The following ARHGEF7 variants were observed in gnomAD, a reference collection of about 807,000 sequenced individuals.
ARHGEF7 encodes the protein PAK-interacting exchange factor beta.
Under a neutral mutation model 109.8 loss-of-function variants are expected in ARHGEF7, and 33 were observed. The ratio of observed to expected loss-of-function variants is 0.30; its 90% CI spans 0.23 to 0.40. The LOEUF is 0.40. ARHGEF7 is among the 10% of genes least tolerant of loss of function. ARHGEF7 has a pLI of 1.00. For synonymous variants in ARHGEF7, 458 were observed against 424.6 expected, an observed-to-expected ratio of 1.08 and a Z score of -0.97; for missense variants, 938 against 1,098.5, an observed-to-expected ratio of 0.85 and a Z score of 2.07.
chr13:111,253,292 T>C (rs2090011568), intron 8 of ARHGEF7, among the ~76,000 whole-genome samples: 1 of 152,254 alleles, frequency 6.6e-6, no homozygotes, highest in African/African-American at 2.4e-5. Flanking sequence ...ATTGCCTCTA[T>C]GGGAAAATGA....
chr13:111,296,275 A>G (rs7335882), intron 19 of ARHGEF7, among the ~76,000 whole-genome samples: 29 of 152,310 alleles, frequency 1.9e-4, no homozygotes, highest in African/African-American at 6.7e-4. Flanking sequence ...GGGTTCTCAG[A>G]CATCCCTAAA....
chr13:111,208,385 G>C (rs1356201309), intron 3 of ARHGEF7, among the ~76,000 whole-genome samples: 3 of 152,214 alleles, frequency 2.0e-5, no homozygotes, highest in Admixed American at 2.0e-4. Context: ...CAAACAGTAA[G>C]ACAACTGCAG....
intron 19 of ARHGEF7, chr13:111,293,236 T>C: frequency 2.0e-6 from 2 of 985,406 alleles, no homozygotes; most frequent in Non-Finnish European, 2.4e-6. Context: ...GTGCTGTGGC[T>C]TCAGTTCCCC....
In ARHGEF7 at chr13:111,205,811, G is replaced by A. The variant is rs928353821; in HGVS notation, c.337+438G>A. On this transcript the variant is annotated intron_variant, in intron 3 of 21. Transcript: ENST00000646102. Reference sequence around the variant, plus strand: ...TTGGCCTGTAAAGTCCACACTACCTGTCCAGGGCTCCTGAGGGCTGTGGCA... The same window carrying A: ...TTGGCCTGTAAAGTCCACACTACCTATCCAGGGCTCCTGAGGGCTGTGGCA... Among the ~76,000 whole-genome samples the A allele has an allele frequency of 3.9e-5, 6 of 152,242 alleles. No individual in the cohort carries two copies. The East Asian group carries it at 9.7e-4, about 25-fold the overall frequency.
chr13:111,206,728 G>T (rs1011298561), intron 3 of ARHGEF7, among the ~76,000 whole-genome samples: 1 of 152,028 alleles, frequency 6.6e-6, no homozygotes, highest in Non-Finnish European at 1.5e-5. Context: ...TTGGGAGGCC[G>T]AGGCGGGCGG....
intron 2 of ARHGEF7, 102 bp downstream of exon 2, chr13:111,154,093 C>G (rs577299206): frequency 6.7e-5 from 79 of 1,176,306 alleles, no homozygotes; most frequent in African/African-American, 8.1e-5. Flanking sequence ...CCTCCGCGCC[C>G]GGATCCGACC....
intron 1 of ARHGEF7, among the ~76,000 whole-genome samples, chr13:111,122,223 G>T (rs2153320812): frequency 6.6e-6 from 1 of 152,300 alleles, no homozygotes; most frequent in South Asian, 2.1e-4. Flanking sequence ...GCTGCTGGTT[G>T]GGGAGCGGGA....
intron 4 of ARHGEF7, 31 bp downstream of exon 4, chr13:111,210,033 T>G: frequency 6.2e-7 from 1 of 1,613,976 alleles, no homozygotes; most frequent in Non-Finnish European, 8.5e-7. Flanking sequence ...TACTTAAATA[T>G]GTTTGGGAAG....
Position 111,266,117 on chromosome 13 carries a change from G to A in ARHGEF7, c.951-1431G>A, listed in dbSNP as rs746892893. On this transcript the variant is annotated intron_variant, in intron 8 of 21. Coordinates refer to ENST00000646102, the MANE Select transcript of ARHGEF7 (RefSeq NM_001354046.2). This position sits in a 1 kb window ranked among gnomAD's most constrained non-coding sequence, Gnocchi z 4.8. ...CACGTACCTGCTCTGGGAACTTCCC[G>A]AGGAGCAAGTGCATGCCAGGCAGTT... 1.3e-5 allele frequency among the ~76,000 whole-genome samples: 2 copies of A among 152,092 alleles called. No homozygotes were observed. The highest frequency in any genetic ancestry group is 2.1e-4 in the South Asian group (1 of 4,820).
chr13:111,154,854 G>A (rs2076184688), intron 2 of ARHGEF7, among the ~76,000 whole-genome samples: 1 of 151,994 alleles, frequency 6.6e-6, no homozygotes. Flanking sequence ...TTGCCACTTT[G>A]TCACTCTTAA....
intron 8 of ARHGEF7, among the ~76,000 whole-genome samples, chr13:111,261,041 C>A (rs550390150): frequency 6.6e-6 from 1 of 151,738 alleles, no homozygotes; most frequent in Non-Finnish European, 1.5e-5. Flanking sequence ...GAGAGAATCA[C>A]CTTTACTAAA....
rs184219025 is a variant in ARHGEF7, at chr13:111,222,210, G to A, written c.670+4330G>A. On this transcript the variant is annotated intron_variant, in intron 5 of 21. Transcript: ENST00000646102. The stretch of plus-strand genomic sequence containing the variant: ...AGTATTAACCATCACAATAGGGTTT[G>A]TGCCAAACTGAGACCTAAGTAACTT... Among the ~76,000 whole-genome samples, 15 of 152,206 alleles carry A rather than the reference G, an allele frequency of 9.9e-5. No homozygotes were observed. The Middle Eastern group carries it at 0.014, about 138-fold the overall frequency.
chr13:111,170,035 A>C (rs562246591), intron 2 of ARHGEF7, among the ~76,000 whole-genome samples: 4 of 150,386 alleles, frequency 2.7e-5, no homozygotes, highest in African/African-American at 1.0e-4. Context: ...GTGATCAGAG[A>C]AGGCCCCTCT....
rs1369608071 is a variant in ARHGEF7, at chr13:111,145,905, A to C, written c.166-8000A>C. On this transcript the variant is annotated intron_variant, in intron 1 of 21. Transcript: ENST00000646102. The surrounding 1 kb of genome is among the most constrained non-coding windows in gnomAD (Gnocchi z 4.3). ...CTCAAAAGTTTTCTGTGACCCTTTC[A>C]GCTAAGGTTCTTTGTTTCACTTACT... 2.6e-5 allele frequency among the ~76,000 whole-genome samples: 4 copies of C among 152,134 alleles called. No individual in the cohort carries two copies.
Position 111,273,995 on chromosome 13 carries a change from T to C in ARHGEF7, c.1212+43T>C, listed in dbSNP as rs377310997. 5.6e-6 allele frequency: 9 copies of C among 1,602,866 alleles called. No homozygotes were observed. The highest frequency in any genetic ancestry group is 6.8e-6 in the Non-Finnish European group (8 of 1,170,920). ...TCTTACTTGGAGTCCTTACCAAGGG[T>C]TAGTGGCATGGTCAGACTTACTGTG... On this transcript the variant is annotated intron_variant, in intron 10 of 21. Transcript: ENST00000646102. This position sits in a 1 kb window ranked among gnomAD's most constrained non-coding sequence, Gnocchi z 4.5.
At chr13:111,288,770 A>T (rs188194736) in intron 18 of ARHGEF7, among the ~76,000 whole-genome samples, 3 of 152,370 alleles carry the variant, frequency 2.0e-5, no homozygotes, top group Admixed American at 2.0e-4. Context: ...GTGGAAGATT[A>T]GTTCAGTTAT....
At chr13:111,192,735 A>G (rs2080043950) in intron 2 of ARHGEF7, among the ~76,000 whole-genome samples, 1 of 152,202 alleles carries the variant, frequency 6.6e-6, no homozygotes, top group Non-Finnish European at 1.5e-5. Flanking sequence ...CCGAGTTACC[A>G]CGGCTTTAAA....
intron 2 of ARHGEF7, among the ~76,000 whole-genome samples, chr13:111,193,568 G>A (rs1201171573): frequency 6.6e-6 from 1 of 152,256 alleles, no homozygotes; most frequent in Non-Finnish European, 1.5e-5. Context: ...TGTAGGATTA[G>A]ATAAGCGTAC....
At chr13:111,271,536 C>T (rs992880803) in intron 9 of ARHGEF7, among the ~76,000 whole-genome samples, 1 of 152,164 alleles carries the variant, frequency 6.6e-6, no homozygotes, top group Non-Finnish European at 1.5e-5. Context: ...TAATCTCCAG[C>T]CTGGGATTGT....
Sources: gnomAD v4.1 joint callset for allele counts (sites outside exome capture counted in the v4.1 genomes callset) on GRCh38, gnomAD v4.1.1 for gene constraint, Gnocchi (gnomAD v3.1) non-coding constraint, MANE v1.5 for transcripts, NCBI Gene and HGNC (gene_info 2026-07-23, HGNC 2026-07-21) for gene names.